STK3: variants seen among roughly 807,000 people sequenced by gnomAD.
STK3 encodes serine/threonine-protein kinase 3.
Under a neutral mutation model 58.0 loss-of-function variants are expected in STK3, and 41 were observed. The observed-to-expected ratio is 0.71, with a 90% CI of 0.55 to 0.92. The LOEUF (loss-of-function observed/expected upper bound fraction) is 0.92, where lower values mean the gene tolerates loss of function less well. Ranked by LOEUF, STK3 falls within the 40% of genes least tolerant of loss-of-function variation. The probability of loss-of-function intolerance (pLI) is 0.00; values close to 1 mark genes in which losing one functional copy is unlikely to be tolerated. For missense variants in STK3, 479 were observed against 602.7 expected (o/e 0.79, Z 2.15); for synonymous variants, 170 against 191.0 (o/e 0.89, Z 0.91).
At chr8:98,390,276 C>G (rs1817835913), upstream of STK3, among the ~76,000 whole-genome samples, 1 of 152,150 alleles carries the variant, frequency 6.6e-6, no homozygotes. Flanking sequence ...AACCTTCATT[C>G]CTGAAGCATA....
intron 3 of STK3, among the ~76,000 whole-genome samples, chr8:98,759,894 T>C (rs894316675): frequency 6.6e-6 from 1 of 152,212 alleles, no homozygotes; most frequent in South Asian, 2.1e-4. Flanking sequence ...GTTCCTTATA[T>C]TAAATGGCAC....
intron 6 of STK3, among the ~76,000 whole-genome samples, chr8:98,656,510 A>G (rs1417162273): frequency 2.6e-5 from 4 of 151,978 alleles, no homozygotes; most frequent in Non-Finnish European, 5.9e-5. Context: ...CCTTTTTTAT[A>G]TACTTTATAT....
intron 3 of STK3, among the ~76,000 whole-genome samples, chr8:98,757,598 GAA>G (rs1040308347): frequency 3.1e-4 from 18 of 58,518 alleles, no homozygotes; most frequent in African/African-American, 8.6e-4. Context: ...CCATCTCAAA[GAA>G]AAAAAAAAAA....
Position 98,698,690 on chromosome 8 carries a change from C to T in STK3, c.684+7777G>A, listed in dbSNP as rs1227133294. 2.6e-5 allele frequency among the ~76,000 whole-genome samples: 4 copies of T among 152,156 alleles called. No individual in the cohort carries two copies. The South Asian group carries it at 8.3e-4, about 32-fold the overall frequency. On this transcript the variant is annotated intron_variant, in intron 6 of 10. Transcript: ENST00000419617. ...TTTCTTTAAGAATGTTGAATATTGG[C>T]CCCCACTGTCTTCTGGCTTGTAGAG...
chr8:98,790,370 C>T (rs1832732664), intron 1 of STK3, among the ~76,000 whole-genome samples: 1 of 152,188 alleles, frequency 6.6e-6, no homozygotes, highest in Non-Finnish European at 1.5e-5. Context: ...GATGGTTTAA[C>T]ATACACAATG....
At chr8:98,593,272 T>G (rs999000857) in intron 7 of STK3, among the ~76,000 whole-genome samples, 1 of 152,222 alleles carries the variant, frequency 6.6e-6, no homozygotes, top group African/African-American at 2.4e-5. Context: ...TACAATAATC[T>G]ATCTGTGTCA....
intron 10 of STK3, among the ~76,000 whole-genome samples, chr8:98,477,909 T>G (rs1821505566): frequency 6.6e-6 from 1 of 152,046 alleles, no homozygotes; most frequent in African/African-American, 2.4e-5. Flanking sequence ...CAGCGTCTAT[T>G]CACAAGATGC....
At chr8:98,758,366 A>G (rs545459623) in intron 3 of STK3, among the ~76,000 whole-genome samples, 2 of 152,368 alleles carry the variant, frequency 1.3e-5, no homozygotes, top group East Asian at 1.9e-4. Flanking sequence ...CTTCAGACCA[A>G]TATCTCTGAT....
the STK3 span, among the ~76,000 whole-genome samples, chr8:98,358,609 C>A: frequency 6.6e-6 from 1 of 152,208 alleles, no homozygotes; most frequent in African/African-American, 2.4e-5. Context: ...GAGCCACCTT[C>A]CAGGGACCCA....
At chr8:98,407,165 T>G (rs769607179) in intron 3 of STK3, among the ~76,000 whole-genome samples, 5 of 152,216 alleles carry the variant, frequency 3.3e-5, no homozygotes, top group Non-Finnish European at 7.3e-5. Context: ...TCAGGTAGTT[T>G]AAGTCCAGAA....
At chr8:98,794,127 T>C (rs950751783) in intron 1 of STK3, among the ~76,000 whole-genome samples, 2 of 151,880 alleles carry the variant, frequency 1.3e-5, no homozygotes, top group Non-Finnish European at 2.9e-5. Flanking sequence ...CTAGAGGAAC[T>C]AGAAACAAAA....
At chr8:98,846,856 TACACACACACACACAC>T (rs374739035) in intron 3 of STK3, among the ~76,000 whole-genome samples, 1 of 143,322 alleles carries the variant, frequency 7.0e-6, no homozygotes, top group African/African-American at 2.6e-5. Context: ...TTCAGGATCC[TACACACACACACACAC>T]ACACACACAC....
intron 6 of STK3, among the ~76,000 whole-genome samples, chr8:98,612,955 C>G (rs1459259330): frequency 6.6e-6 from 1 of 152,232 alleles, no homozygotes; most frequent in African/African-American, 2.4e-5. Flanking sequence ...ACCTGTACTT[C>G]CTCTCCAAAC....
chr8:98,934,636 C>A (rs1423738510), intron 1 of STK3, among the ~76,000 whole-genome samples: 1 of 152,216 alleles, frequency 6.6e-6, no homozygotes, highest in Non-Finnish European at 1.5e-5. Flanking sequence ...CATATGTAGG[C>A]CGGGCACGGT....
chr8:98,714,227 G>A (rs1441851955), intron 4 of STK3, among the ~76,000 whole-genome samples: 4 of 152,198 alleles, frequency 2.6e-5, no homozygotes, highest in Non-Finnish European at 5.9e-5. Flanking sequence ...CACAAGACAG[G>A]GATGCCCTCT....
chr8:98,808,363 A>C (rs1305188691), intron 1 of STK3, among the ~76,000 whole-genome samples: 1 of 152,182 alleles, frequency 6.6e-6, no homozygotes, highest in Non-Finnish European at 1.5e-5. Context: ...CGGCAGAAAA[A>C]ATGAAGGGAC....
intron 1 of STK3, among the ~76,000 whole-genome samples, chr8:98,896,738 G>A (rs901953473): frequency 2.0e-5 from 3 of 152,158 alleles, no homozygotes; most frequent in African/African-American, 7.2e-5. Flanking sequence ...CAGCACTTTG[G>A]GAGGCAGAGG....
intron 3 of STK3, chr8:98,875,403 C>T (rs1363731501): frequency 1.3e-5 from 2 of 152,156 alleles, no homozygotes; most frequent in African/African-American, 4.8e-5. Flanking sequence ...TGAATGTTAC[C>T]AAATCTTCTG....
At chr8:98,871,836 C>A (rs1428640724) in intron 3 of STK3, among the ~76,000 whole-genome samples, 5 of 152,168 alleles carry the variant, frequency 3.3e-5, no homozygotes, top group Non-Finnish European at 2.9e-5. Flanking sequence ...CCCTTTATTT[C>A]TTTCTCTTGC....
Sources: allele counts gnomAD v4.1 joint callset (sites outside exome capture counted in the v4.1 genomes callset), GRCh38; gene constraint gnomAD v4.1.1; transcripts MANE v1.5; gene names NCBI Gene and HGNC (gene_info 2026-07-23, HGNC 2026-07-21).